TTC7A: variants seen among roughly 807,000 people sequenced by gnomAD.
TTC7A encodes tetratricopeptide repeat protein 7A.
TTC7A carries 110 observed loss-of-function variants against 103.7 expected under a neutral mutation model. The observed-to-expected ratio is 1.06, with a 90% CI of 0.91 to 1.24. The LOEUF is 1.24. Among genes scored for constraint, TTC7A ranks in the 50% most tolerant of loss-of-function variants. The pLI, the probability that TTC7A is intolerant of heterozygous loss-of-function variation, is 0.00. For missense variants in TTC7A, 1,340 were observed against 1,116.3 expected, an observed-to-expected ratio of 1.20 and a Z score of -2.86; for synonymous variants, 521 against 467.9, an observed-to-expected ratio of 1.11 and a Z score of -1.47.
At chr2:46,993,032 C>T (rs1675786049) in intron 5 of TTC7A, among the ~76,000 whole-genome samples, 1 of 152,170 alleles carries the variant, frequency 6.6e-6, no homozygotes, top group South Asian at 2.1e-4. Flanking sequence ...GGCCATGGTA[C>T]TGGGGACAGA....
intron 2 of TTC7A, among the ~76,000 whole-genome samples, chr2:46,955,743 C>G (rs1344779995): frequency 6.6e-6 from 1 of 152,210 alleles, no homozygotes; most frequent in African/African-American, 2.4e-5. Flanking sequence ...GAGGCTTGCC[C>G]TGGGGTCACA....
At chr2:47,010,075 AT>A (rs1322549026) in intron 10 of TTC7A, among the ~76,000 whole-genome samples, 1 of 152,102 alleles carries the variant, frequency 6.6e-6, no homozygotes, top group African/African-American at 2.4e-5. Flanking sequence ...ACTTCTCCGC[AT>A]TTCAGTTTTC....
chr2:47,008,325 C>T (rs1405782139), intron 10 of TTC7A, among the ~76,000 whole-genome samples: 4 of 152,196 alleles, frequency 2.6e-5, no homozygotes, highest in Admixed American at 2.6e-4. Context: ...TGCAAGTTAG[C>T]TTTAAATCCG....
At chr2:46,959,416 C>T (rs1411453653) in intron 3 of TTC7A, among the ~76,000 whole-genome samples, 3 of 152,126 alleles carry the variant, frequency 2.0e-5, no homozygotes, top group Non-Finnish European at 4.4e-5. Flanking sequence ...TTGGTACTCT[C>T]AGGGGGTGGG....
Position 47,073,935 on chromosome 2 carries a change from C to T in TTC7A, c.*12C>T. ...CCAGAGAGCTCTGACGACGCTGCAGCCGCAGGGAGGGAGGGGCTGGCCAGA... is the reference window on the plus strand; with the variant it reads ...CCAGAGAGCTCTGACGACGCTGCAGTCGCAGGGAGGGAGGGGCTGGCCAGA... On this transcript the variant is annotated 3_prime_UTR_variant, in exon 20 of 20. Coordinates refer to ENST00000319190, the MANE Select transcript of TTC7A (RefSeq NM_020458.4). The T allele has an allele frequency of 6.2e-7, 1 of 1,602,898 alleles. No homozygotes were observed. The highest frequency in any genetic ancestry group is 8.5e-7 in the Non-Finnish European group (1 of 1,173,798).
intron 16 of TTC7A, among the ~76,000 whole-genome samples, chr2:47,049,134 T>G (rs528078758): frequency 2.4e-4 from 37 of 152,230 alleles, no homozygotes; most frequent in African/African-American, 7.7e-4. Flanking sequence ...GAAAGAAACC[T>G]TCTTGCCCAG....
At chr2:46,923,616 G>C (rs1485682759) in intron 2 of TTC7A, among the ~76,000 whole-genome samples, 1 of 152,160 alleles carries the variant, frequency 6.6e-6, no homozygotes, top group Non-Finnish European at 1.5e-5. Context: ...AATTGACCAG[G>C]TGTGATGGTT....
At chr2:46,941,064 ACC>A (rs1424811049), upstream of TTC7A, 1 of 147,606 alleles carries the variant, frequency 6.8e-6, no homozygotes, top group Non-Finnish European at 1.5e-5. The surrounding 1 kb of genome is among the most constrained non-coding windows in gnomAD (Gnocchi z 4.2). Context: ...GGGGGCGGGT[ACC>A]CGGGCGGCCG....
At chr2:47,049,757 C>T (rs1002438906) in intron 16 of TTC7A, among the ~76,000 whole-genome samples, 192 bp from the exon 17 acceptor site, 1 of 152,182 alleles carries the variant, frequency 6.6e-6, no homozygotes, top group African/African-American at 2.4e-5. Context: ...CACGTTGATC[C>T]CTCCTGCCTC....
chr2:47,073,383 G>T (rs1454531388), intron 19 of TTC7A, among the ~76,000 whole-genome samples: 1 of 152,186 alleles, frequency 6.6e-6, no homozygotes, highest in Admixed American at 6.5e-5. Context: ...GGGCCAGAGA[G>T]CTGGGATTTG....
chr2:47,041,709 C>T (rs542212371), intron 15 of TTC7A, among the ~76,000 whole-genome samples: 7 of 150,672 alleles, frequency 4.6e-5, no homozygotes, highest in South Asian at 4.2e-4. Flanking sequence ...GCCAAGATTG[C>T]GCCATTCCAC....
At chr2:46,976,353 C>T (rs942379599) in intron 4 of TTC7A, among the ~76,000 whole-genome samples, 3 of 152,084 alleles carry the variant, frequency 2.0e-5, no homozygotes, top group Admixed American at 1.3e-4. Flanking sequence ...TGTGAATGCT[C>T]GTGGGGAAGA....
At chr2:46,961,657 C>A (rs961678878) in intron 3 of TTC7A, among the ~76,000 whole-genome samples, 8 of 151,920 alleles carry the variant, frequency 5.3e-5, no homozygotes, top group African/African-American at 1.9e-4. Flanking sequence ...GTAATCCCAG[C>A]ACTTTGGGAA....
Position 47,060,905 on chromosome 2 carries a change from G to A in TTC7A, c.2289G>A (p.Glu763=), listed in dbSNP as rs770875613. 6.2e-7 allele frequency: 1 copy of A among 1,614,222 alleles called. No individual in the cohort carries two copies. The highest frequency in any genetic ancestry group is 2.2e-5 in the East Asian group (1 of 44,890). ...CTGAGGTGAAGGGCAACCTGGAGGA[G>A]GCCAAGCAGCTGTACAAGGAGGCGC... The part of the protein sequence containing the change: ...RLAEVKGNLE[E]AKQLYKEALT... Residue 763 remains glutamate (E), a synonymous_variant, in exon 19 of 20, where the codon GAG becomes GAA. Transcript: ENST00000319190.
chr2:47,037,938 C>T (rs1176517815), intron 15 of TTC7A, among the ~76,000 whole-genome samples: 2 of 152,162 alleles, frequency 1.3e-5, no homozygotes, highest in Non-Finnish European at 2.9e-5. Context: ...CGCTGTCATT[C>T]TCATTTTACA....
At chr2:46,994,537 C>T (rs1675965022) in intron 7 of TTC7A, 23 bp downstream of exon 7, 2 of 1,611,608 alleles carry the variant, frequency 1.2e-6, no homozygotes, top group Non-Finnish European at 1.7e-6. Context: ...TGCCCTGCTG[C>T]ACCTTGCCAG....
chr2:46,957,104 CCCCTGGTAGTGCCCATG>C, intron 3 of TTC7A, 97 bp downstream of exon 3: 3 of 1,492,454 alleles, frequency 2.0e-6, no homozygotes, highest in Non-Finnish European at 2.8e-6. Flanking sequence ...AGATTCTTCA[CCCCTGGTAGTGCCCATG>C]CCCTGGCACT....
chr2:46,928,642 C>A lies in TTC7A; in HGVS notation c.82+11365C>A, dbSNP rs557863094. Among the ~76,000 whole-genome samples, 13 of 152,050 alleles carry A rather than the reference C, an allele frequency of 8.5e-5. No individual in the cohort carries two copies. In the East Asian group the frequency reaches 2.1e-3, roughly 25 times the overall value. ...AAAATTGACCAGATGTGGTGACACA[C>A]ACCTGTGGTCCCAGCTGTTTGGGAG... On this transcript the variant is annotated intron_variant, in intron 2 of 20. Transcript: ENST00000409245.
chr2:46,916,014 C>G, upstream of TTC7A: 1 of 985,474 alleles, frequency 1.0e-6, no homozygotes, highest in Non-Finnish European at 1.2e-6. Context: ...GGCTCCACTC[C>G]AGTTGGGCCG....
Sources: allele counts gnomAD v4.1 joint callset (sites outside exome capture counted in the v4.1 genomes callset), GRCh38; gene constraint gnomAD v4.1.1; non-coding constraint Gnocchi (gnomAD v3.1); transcripts MANE v1.5; gene names NCBI Gene and HGNC (gene_info 2026-07-23, HGNC 2026-07-21).